The following CCDC171 variants were observed in gnomAD, a reference collection of about 807,000 sequenced individuals.
The protein encoded by CCDC171 is coiled-coil domain-containing protein 171.
Under a neutral mutation model 168.2 loss-of-function variants are expected in CCDC171, and 177 were observed. The observed-to-expected ratio is 1.05, with a 90% CI of 0.93 to 1.19. CCDC171 has a LOEUF of 1.19. Among genes scored for constraint, CCDC171 ranks in the 50% most tolerant of loss-of-function variants. The probability of loss-of-function intolerance (pLI) is 0.00; values close to 1 mark genes in which losing one functional copy is unlikely to be tolerated. For missense variants in CCDC171, 1,991 were observed against 1,539.0 expected, an observed-to-expected ratio of 1.29 and a Z score of -4.91; for synonymous variants, 687 against 540.8, an observed-to-expected ratio of 1.27 and a Z score of -3.75.
intron 10 of CCDC171, among the ~76,000 whole-genome samples, chr9:15,687,554 A>C (rs573061453): frequency 6.6e-6 from 1 of 152,324 alleles, no homozygotes; most frequent in African/African-American, 2.4e-5. Flanking sequence ...AAATAAAAGA[A>C]ATAGAGAATT....
At chr9:15,790,340 T>C (rs991942291) in intron 21 of CCDC171, among the ~76,000 whole-genome samples, 1 of 152,240 alleles carries the variant, frequency 6.6e-6, no homozygotes, top group Non-Finnish European at 1.5e-5. Flanking sequence ...ATTTCTCTAA[T>C]GGCCAGTGAT....
intron 3 of CCDC171, among the ~76,000 whole-genome samples, chr9:15,998,153 G>A (rs949218793): frequency 4.6e-5 from 7 of 152,174 alleles, no homozygotes; most frequent in Non-Finnish European, 5.9e-5. Context: ...GACAAATGGA[G>A]CCACCCCTGC....
At chr9:15,573,992 C>G (rs973852620) in intron 3 of CCDC171, among the ~76,000 whole-genome samples, 4 of 152,022 alleles carry the variant, frequency 2.6e-5, no homozygotes, top group African/African-American at 9.7e-5. Flanking sequence ...TTTATTTGAT[C>G]AAAATGTTTT....
At chr9:15,936,683 C>A (rs1827158827) in intron 25 of CCDC171, among the ~76,000 whole-genome samples, 1 of 152,028 alleles carries the variant, frequency 6.6e-6, no homozygotes, top group Admixed American at 6.6e-5. Flanking sequence ...CTCTCATGAG[C>A]CACTGCGCTC....
At chr9:15,809,725 G>T (rs1371356920) in intron 21 of CCDC171, among the ~76,000 whole-genome samples, 1 of 152,166 alleles carries the variant, frequency 6.6e-6, no homozygotes, top group African/African-American at 2.4e-5. Flanking sequence ...GCTCATAAAG[G>T]CAGTGCGGAC....
chr9:15,938,252 C>T (rs771373611), intron 25 of CCDC171, among the ~76,000 whole-genome samples: 2 of 151,684 alleles, frequency 1.3e-5, no homozygotes, highest in East Asian at 2.0e-4. Context: ...GTCCAAAACC[C>T]GTGCTCTAAA....
intron 23 of CCDC171, among the ~76,000 whole-genome samples, chr9:15,857,337 G>T (rs1020724813): frequency 6.6e-6 from 1 of 151,850 alleles, no homozygotes; most frequent in African/African-American, 2.4e-5. Context: ...TCTATGTCTT[G>T]TTCTAGGAAA....
At chr9:16,102,794 A>G in the CCDC171 span, among the ~76,000 whole-genome samples, 1 of 152,206 alleles carries the variant, frequency 6.6e-6, no homozygotes, top group African/African-American at 2.4e-5. Flanking sequence ...GGTGTCAGGC[A>G]GTCAGCATGG....
intron 6 of CCDC171, among the ~76,000 whole-genome samples, chr9:15,608,883 G>A (rs2043421338): frequency 1.4e-5 from 2 of 140,370 alleles, no homozygotes; most frequent in South Asian, 4.5e-4. Flanking sequence ...GCTTTTGCCT[G>A]GGAGGTCAAG....
chr9:15,942,475 T>A (rs923981781), intron 25 of CCDC171, among the ~76,000 whole-genome samples: 4 of 151,804 alleles, frequency 2.6e-5, no homozygotes, highest in African/African-American at 9.7e-5. Flanking sequence ...AGGAGAGAAA[T>A]TGCTGTTGTG....
chr9:16,102,132 G>C, the CCDC171 span, among the ~76,000 whole-genome samples: 1 of 152,184 alleles, frequency 6.6e-6, no homozygotes, highest in African/African-American at 2.4e-5. Flanking sequence ...ACCAAGGACT[G>C]AAGATGAAGA....
At chr9:15,901,563 T>C (rs1474911247) in intron 24 of CCDC171, among the ~76,000 whole-genome samples, 2 of 152,208 alleles carry the variant, frequency 1.3e-5, no homozygotes, top group Middle Eastern at 3.2e-3. Context: ...GGACATCCTA[T>C]AATTTTTTTT....
intron 20 of CCDC171, among the ~76,000 whole-genome samples, chr9:15,781,440 TG>T: frequency 6.6e-6 from 1 of 152,240 alleles, no homozygotes; most frequent in South Asian, 2.1e-4. Context: ...TTTTTTGAGA[TG>T]GAGTCTCGCT....
At chr9:15,674,640 G>T (rs913620439) in intron 9 of CCDC171, among the ~76,000 whole-genome samples, 7 of 152,154 alleles carry the variant, frequency 4.6e-5, no homozygotes, top group African/African-American at 1.7e-4. Flanking sequence ...TTAGGAGCAG[G>T]TTGTTCAGTT....
chr9:15,708,045 A>C lies in CCDC171; in HGVS notation c.1318+12708A>C, dbSNP rs145211736. Among the ~76,000 whole-genome samples the C allele has an allele frequency of 1.5e-3, 229 of 152,214 alleles. 2 individuals are homozygous for C. Among genetic ancestry groups the C allele is most frequent in the African/African-American group, 5.1e-3 (213 of 41,536 alleles). On this transcript the variant is annotated intron_variant, in intron 11 of 25. Transcript: ENST00000380701. ...GTACTTTTAGTAGAGATGGGGTTTC[A>C]TCATGTTGGCCAGGCTGGTCTTGAA... is the stretch of plus-strand genomic sequence containing the variant.
chr9:15,608,972 A>AAAAAT (rs2043439483), intron 6 of CCDC171, among the ~76,000 whole-genome samples: 1 of 146,350 alleles, frequency 6.8e-6, no homozygotes, highest in Non-Finnish European at 1.5e-5. Context: ...AAAAAAAAAA[A>AAAAAT]GAGTGGTTTT....
At chr9:15,881,795 A>C (rs906086290) in intron 24 of CCDC171, among the ~76,000 whole-genome samples, 4 of 152,174 alleles carry the variant, frequency 2.6e-5, no homozygotes, top group African/African-American at 9.7e-5. Flanking sequence ...AAATGATAAG[A>C]TTTCATTCCT....
chr9:15,825,303 G>T (rs2059966038), intron 21 of CCDC171, among the ~76,000 whole-genome samples: 1 of 152,042 alleles, frequency 6.6e-6, no homozygotes, highest in African/African-American at 2.4e-5. Context: ...ATCAATATTA[G>T]TTCAGAGAAT....
the CCDC171 span, among the ~76,000 whole-genome samples, chr9:16,082,661 G>A: frequency 6.6e-6 from 1 of 152,208 alleles, no homozygotes; most frequent in African/African-American, 2.4e-5. Context: ...GTACGCATGT[G>A]TATGTCTAAG....
Sources: gnomAD v4.1 joint callset for allele counts (sites outside exome capture counted in the v4.1 genomes callset) on GRCh38, gnomAD v4.1.1 for gene constraint, MANE v1.5 for transcripts, NCBI Gene and HGNC (gene_info 2026-07-23, HGNC 2026-07-21) for gene names.